SGK1: variants seen among roughly 807,000 people sequenced by gnomAD.
The protein encoded by SGK1 is serine/threonine-protein kinase Sgk1.
SGK1 carries 26 observed loss-of-function variants against 64.2 expected under a neutral mutation model. The observed-to-expected ratio is 0.40, with a 90% CI of 0.30 to 0.56. The LOEUF is 0.56. Among genes scored for constraint, SGK1 ranks in the 20% least tolerant of loss-of-function variants. The pLI is 0.38. For synonymous variants in SGK1, 265 were observed against 239.7 expected (o/e 1.11, Z -0.98); for missense variants, 519 against 645.6 (o/e 0.80, Z 2.12).
intron 3 of SGK1, chr6:134,177,614 C>A: frequency 2.0e-6 from 3 of 1,498,262 alleles, no homozygotes; most frequent in Non-Finnish European, 2.8e-6. Context: ...TGCCAAGTAA[C>A]CCCAAATCCT....
Position 134,217,625 on chromosome 6 carries a change from A to C in SGK1, c.286-10194T>G, listed in dbSNP as rs182007040. On this transcript the variant is annotated intron_variant, in intron 2 of 13. Transcript: ENST00000367858. ...CATAGTTTGCAAATTTGGTACATCAACCGCCACGCTCATAAAGATGATGGT... is the reference window on the plus strand; with the variant it reads ...CATAGTTTGCAAATTTGGTACATCACCCGCCACGCTCATAAAGATGATGGT... Among the ~76,000 whole-genome samples, 978 of 152,230 alleles carry C rather than the reference A, an allele frequency of 6.4e-3. 15 individuals are homozygous for C. The highest frequency in any genetic ancestry group is 0.022 in the African/African-American group (915 of 41,520).
chr6:134,254,426 G>A (rs981808999), intron 2 of SGK1, among the ~76,000 whole-genome samples: 72 of 151,912 alleles, frequency 4.7e-4, no homozygotes, highest in Non-Finnish European at 1.6e-4. Context: ...GTCTCATGGT[G>A]CAAAATCATA....
intron 1 of SGK1, among the ~76,000 whole-genome samples, chr6:134,265,891 G>C (rs1023241672): frequency 6.6e-6 from 1 of 151,586 alleles, no homozygotes; most frequent in South Asian, 2.1e-4. Flanking sequence ...TCCCCTCCCA[G>C]CTCAGCCTCC....
At chr6:134,193,790 G>A (rs1490455621) in intron 3 of SGK1, among the ~76,000 whole-genome samples, 1 of 78,834 alleles carries the variant, frequency 1.3e-5, no homozygotes, top group African/African-American at 4.8e-5. Flanking sequence ...AGAGGGGAGG[G>A]GAGAAGGGAG....
chr6:134,250,217 A>T (rs1776586860), intron 2 of SGK1, among the ~76,000 whole-genome samples: 1 of 152,200 alleles, frequency 6.6e-6, no homozygotes, highest in South Asian at 2.1e-4. Context: ...AAGCAAACTA[A>T]AATGATAGAT....
At chr6:134,313,531 AT>A (rs2114804879) in intron 1 of SGK1, among the ~76,000 whole-genome samples, 1 of 151,890 alleles carries the variant, frequency 6.6e-6, no homozygotes, top group Admixed American at 6.6e-5. Context: ...GACTAGTTTG[AT>A]GTTGAGAACT....
At chr6:134,201,768 T>A (rs114315528) in intron 3 of SGK1, among the ~76,000 whole-genome samples, 1,839 of 152,270 alleles carry the variant, frequency 0.012, 47 homozygotes, top group African/African-American at 0.042. Flanking sequence ...AAGAATCCAT[T>A]TACAGGCTCA....
intron 8 of SGK1, 33 bp downstream of exon 8, chr6:134,172,988 GAC>G: frequency 6.3e-7 from 1 of 1,589,896 alleles, no homozygotes; most frequent in Non-Finnish European, 8.6e-7. Context: ...GCTGTGCAGA[GAC>G]ACTAAGAGTT....
intron 3 of SGK1, among the ~76,000 whole-genome samples, chr6:134,198,210 G>A (rs929718548): frequency 6.6e-6 from 1 of 152,064 alleles, no homozygotes; most frequent in African/African-American, 2.4e-5. Context: ...GATAGCTACC[G>A]CTTTGTAGTT....
At chr6:134,190,551 A>C (rs1775494279) in intron 3 of SGK1, among the ~76,000 whole-genome samples, 1 of 151,940 alleles carries the variant, frequency 6.6e-6, no homozygotes, top group South Asian at 2.1e-4. Context: ...CTCCCAAAGT[A>C]CTGGGATTAT....
intron 2 of SGK1, among the ~76,000 whole-genome samples, chr6:134,253,303 TTTTC>T: frequency 6.6e-6 from 1 of 151,838 alleles, no homozygotes; most frequent in Non-Finnish European, 1.5e-5. Flanking sequence ...CTTTTTTTTT[TTTTC>T]TTTTTGTGGA....
chr6:134,222,320 C>T (rs1776101802), intron 2 of SGK1, among the ~76,000 whole-genome samples: 1 of 151,228 alleles, frequency 6.6e-6, no homozygotes, highest in Non-Finnish European at 1.5e-5. Flanking sequence ...ACCAAATGTA[C>T]TCATTAGAAA....
intron 3 of SGK1, chr6:134,175,929 A>C: frequency 5.0e-5 from 39 of 785,712 alleles, no homozygotes; most frequent in East Asian, 1.9e-4. Flanking sequence ...GAGGTCAGGA[A>C]TGTGGAGGGG....
intron 3 of SGK1, among the ~76,000 whole-genome samples, chr6:134,193,598 CTCTT>C (rs200179274): frequency 0.015 from 2,234 of 151,034 alleles, 49 homozygotes; most frequent in African/African-American, 0.05. Flanking sequence ...GTTCTGTTCT[CTCTT>C]TATTTTCTTA....
At chr6:134,286,233 A>T (rs1248251664) in intron 1 of SGK1, among the ~76,000 whole-genome samples, 1 of 152,194 alleles carries the variant, frequency 6.6e-6, no homozygotes, top group East Asian at 1.9e-4. Context: ...GTAAGAGTAT[A>T]TTTGGGCTGC....
At chr6:134,286,222 C>T (rs182358761) in intron 1 of SGK1, among the ~76,000 whole-genome samples, 23 of 152,274 alleles carry the variant, frequency 1.5e-4, no homozygotes, top group African/African-American at 5.1e-4. Flanking sequence ...AAGGTTTGAA[C>T]GTAAGAGTAT....
intron 1 of SGK1, chr6:134,298,026 C>G: frequency 2.2e-6 from 2 of 927,928 alleles, no homozygotes; most frequent in East Asian, 4.8e-5. Context: ...CTGCAGCTCC[C>G]GATCTCTTCA....
intron 2 of SGK1, among the ~76,000 whole-genome samples, chr6:134,246,227 C>A (rs191320406): frequency 6.6e-6 from 1 of 151,968 alleles, no homozygotes. Context: ...CGGCTCACTG[C>A]AACCTCTGCC....
chr6:134,238,030 T>A (rs960142329), intron 2 of SGK1, among the ~76,000 whole-genome samples: 1 of 152,248 alleles, frequency 6.6e-6, no homozygotes, highest in Non-Finnish European at 1.5e-5. Flanking sequence ...TATGACTTAA[T>A]AATTCTTTTT....
Sources: allele counts gnomAD v4.1 joint callset (sites outside exome capture counted in the v4.1 genomes callset), GRCh38; gene constraint gnomAD v4.1.1; transcripts MANE v1.5; gene names NCBI Gene and HGNC (gene_info 2026-07-23, HGNC 2026-07-21).